The following FMNL2 variants were observed in gnomAD, a reference collection of about 807,000 sequenced individuals.
FMNL2 encodes formin-like protein 2.
FMNL2 carries 51 observed loss-of-function variants against 130.2 expected under a neutral mutation model. That is an observed-to-expected ratio of 0.39 (90% CI 0.31 to 0.49). FMNL2 has a LOEUF of 0.49. Among genes scored for constraint, FMNL2 ranks in the 20% least tolerant of loss-of-function variants. The pLI is 0.85. For synonymous variants in FMNL2, 465 were observed against 467.1 expected (o/e 1.00, Z 0.06); for missense variants, 977 against 1,316.2 (o/e 0.74, Z 3.99).
At chr2:152,610,824 A>T (rs1698636194) in intron 10 of FMNL2, among the ~76,000 whole-genome samples, 1 of 152,240 alleles carries the variant, frequency 6.6e-6, no homozygotes, top group South Asian at 2.1e-4. Context: ...TCGCTGGGTC[A>T]TATGATAATG....
intron 1 of FMNL2, among the ~76,000 whole-genome samples, chr2:152,475,248 G>A (rs1487985311): frequency 1.3e-5 from 2 of 152,176 alleles, no homozygotes; most frequent in Admixed American, 6.5e-5. Context: ...TAAAAATATA[G>A]CTAACATGCT....
chr2:152,409,088 A>G (rs993691938), intron 1 of FMNL2, among the ~76,000 whole-genome samples: 3 of 152,226 alleles, frequency 2.0e-5, no homozygotes, highest in African/African-American at 7.2e-5. Context: ...TGAGTCAAGA[A>G]CCTTCGAAGC....
chr2:152,591,878 G>A (rs1247859989), intron 9 of FMNL2, among the ~76,000 whole-genome samples: 1 of 152,124 alleles, frequency 6.6e-6, no homozygotes, highest in Admixed American at 6.5e-5. Context: ...GCTGAGGCAG[G>A]TGATCACAAG....
chr2:152,542,949 G>A, intron 3 of FMNL2, 130 bp downstream of exon 3: 2 of 912,674 alleles, frequency 2.2e-6, no homozygotes, highest in Non-Finnish European at 3.4e-6. Context: ...AACAACCTTG[G>A]GAGACCAACA....
rs1187869405 is a variant in FMNL2, at chr2:152,619,669, G to A, written c.1788G>A (p.Pro596=). The stretch of plus-strand genomic sequence containing the variant: ...CACCTCCCCTTCCCTCTGCACCTCC[G>A]CTGCCTGGAACATCTTCACCCACAG... ...PLAPPLPSAP[P]LPGTSSPTVV... Residue 596 remains proline, a synonymous_variant, in exon 15 of 26, where the codon CCG becomes CCA. Transcript: ENST00000288670. 2 of 1,606,602 alleles carry A rather than the reference G, an allele frequency of 1.2e-6. No individual in the cohort carries two copies. The highest frequency in any genetic ancestry group is 1.4e-5 in the African/African-American group (1 of 73,900).
intron 1 of FMNL2, among the ~76,000 whole-genome samples, chr2:152,342,398 G>A (rs939757180): frequency 2.0e-5 from 3 of 152,226 alleles, no homozygotes; most frequent in Non-Finnish European, 2.9e-5. Context: ...ACTTAGGAGG[G>A]AAGGTGAGTT....
Position 152,342,809 on chromosome 2 carries a change from G to A in FMNL2, c.117+7089G>A, listed in dbSNP as rs187286711. 3.4e-3 allele frequency among the ~76,000 whole-genome samples: 514 copies of A among 152,326 alleles called. 4 individuals carry two copies. The highest frequency in any genetic ancestry group is 0.012 in the African/African-American group (490 of 41,570). ...TGAACTGTGATCTCAACCAAGGCCC[G>A]GAGATGTGGACCAGACGGGCTTGGA... On this transcript the variant is annotated intron_variant, in intron 1 of 25. Coordinates refer to ENST00000288670, the MANE Select transcript of FMNL2 (RefSeq NM_052905.4).
chr2:152,560,997 C>T lies in FMNL2; in HGVS notation c.558C>T (p.Gly186=). The change falls in exon 6 of 26, where the codon GGC becomes GGT. Residue 186 remains glycine (G), a synonymous_variant. Transcript: ENST00000288670. ...GGAGCAACCTGCCCTCACCTGTGGG[C>T]AACAGTGTCTCCCGCTCTGGAAGAC... ...HRGSNLPSPV[G]NSVSRSGRHS... 4 of 1,604,334 alleles carry T rather than the reference C, an allele frequency of 2.5e-6. No individual in the cohort carries two copies. The highest frequency in any genetic ancestry group is 3.4e-6 in the Non-Finnish European group (4 of 1,175,278).
chr2:152,498,185 C>A (rs1691622150), intron 1 of FMNL2, among the ~76,000 whole-genome samples: 2 of 152,138 alleles, frequency 1.3e-5, no homozygotes, highest in South Asian at 4.1e-4. Context: ...TAATATATGA[C>A]ATGTGCCCCA....
At chr2:152,574,507 A>G (rs1696367476) in intron 6 of FMNL2, among the ~76,000 whole-genome samples, 1 of 151,978 alleles carries the variant, frequency 6.6e-6, no homozygotes, top group Non-Finnish European at 1.5e-5. Flanking sequence ...ATGAAACTGT[A>G]TTAATATTTC....
intron 1 of FMNL2, among the ~76,000 whole-genome samples, chr2:152,421,571 C>G (rs1686925482): frequency 6.6e-6 from 1 of 152,194 alleles, no homozygotes; most frequent in Non-Finnish European, 1.5e-5. Flanking sequence ...GTTGTATATT[C>G]TGCCTCCCAA....
chr2:152,512,720 C>G (rs574682573), intron 1 of FMNL2, among the ~76,000 whole-genome samples: 1 of 152,242 alleles, frequency 6.6e-6, no homozygotes, highest in South Asian at 2.1e-4. Context: ...GTTGTGTTCA[C>G]TGGTTTAAAA....
intron 21 of FMNL2, among the ~76,000 whole-genome samples, chr2:152,633,647 A>G (rs1351166714): frequency 6.6e-6 from 1 of 152,196 alleles, no homozygotes; most frequent in African/African-American, 2.4e-5. Flanking sequence ...GGGCTCACTT[A>G]GACAGTAGGC....
At chr2:152,601,296 C>G (rs376393563) in intron 9 of FMNL2, among the ~76,000 whole-genome samples, 1 of 92,208 alleles carries the variant, frequency 1.1e-5, no homozygotes, top group Non-Finnish European at 2.4e-5. Flanking sequence ...CTTTTCTTTT[C>G]TTTTTTCTTT....
At chr2:152,497,641 G>A (rs1042857688) in intron 1 of FMNL2, among the ~76,000 whole-genome samples, 1 of 152,138 alleles carries the variant, frequency 6.6e-6, no homozygotes, top group African/African-American at 2.4e-5. Flanking sequence ...ATCAGCAGAT[G>A]CATACTGTAT....
rs58838989 is a variant in FMNL2, at chr2:152,490,569, ATGTGTGTGTGTGTGTGTGTGTGTG to A, written c.118-31350_118-31327del. Among the ~76,000 whole-genome samples, 33 of 108,566 alleles carry A rather than the reference ATGTGTGTGTGTGTGTGTGTGTGTG, an allele frequency of 3.0e-4. No individual in the cohort carries two copies. The East Asian group carries it at 8.5e-3, about 28-fold the overall frequency. The allele number at this position is 108,566 out of a possible 152,430, so 71.2% of individuals were successfully genotyped here. ...GCTTCTCTTCAGCTTTTGCTATCCA[ATGTGTGTGTGTGTGTGTGTGTGTG>A]TGTGTGTGTGTGTGTGTGTGTGTTG... On this transcript the variant is annotated intron_variant, in intron 1 of 25. Transcript: ENST00000288670.
chr2:152,447,101 CTT>C (rs113492784), intron 1 of FMNL2, among the ~76,000 whole-genome samples: 9 of 143,716 alleles, frequency 6.3e-5, no homozygotes, highest in Admixed American at 2.8e-4. Context: ...AATAAACTCA[CTT>C]TTTTTTTTTT....
chr2:152,521,462 A>T (rs538425753), intron 1 of FMNL2, among the ~76,000 whole-genome samples: 1 of 152,138 alleles, frequency 6.6e-6, no homozygotes, highest in Non-Finnish European at 1.5e-5. Context: ...GGGACAAAAA[A>T]TAGTTGCATT....
intron 6 of FMNL2, among the ~76,000 whole-genome samples, chr2:152,574,195 C>T (rs1355391219): frequency 2.0e-5 from 3 of 152,080 alleles, no homozygotes; most frequent in Non-Finnish European, 4.4e-5. Flanking sequence ...CCCAGCACTT[C>T]GGGAGGCCGA....
Sources: gnomAD v4.1 joint callset for allele counts (sites outside exome capture counted in the v4.1 genomes callset) on GRCh38, gnomAD v4.1.1 for gene constraint, MANE v1.5 for transcripts, NCBI Gene and HGNC (gene_info 2026-07-23, HGNC 2026-07-21) for gene names.